TBC1D32: variants seen among roughly 807,000 people sequenced by gnomAD.
TBC1D32 encodes the protein TBC1 domain family member 32.
Under a neutral mutation model 170.3 loss-of-function variants are expected in TBC1D32, and 151 were observed. The observed-to-expected ratio is 0.89, with a 90% CI of 0.78 to 1.01. TBC1D32 has a LOEUF of 1.01. Among genes scored for constraint, TBC1D32 ranks in the 50% least tolerant of loss-of-function variants. TBC1D32 has a pLI of 0.00. For synonymous variants in TBC1D32, 498 were observed against 488.0 expected (o/e 1.02, Z -0.27); for missense variants, 1,464 against 1,457.1 (o/e 1.00, Z -0.08).
chr6:121,157,289 G>T (rs541076501), intron 24 of TBC1D32, among the ~76,000 whole-genome samples: 2 of 152,088 alleles, frequency 1.3e-5, no homozygotes, highest in African/African-American at 4.8e-5. Context: ...CCTGGTTGTT[G>T]TTGGTTAAAA....
intron 22 of TBC1D32, chr6:121,170,594 G>T: frequency 8.0e-7 from 1 of 1,246,738 alleles, no homozygotes; most frequent in Non-Finnish European, 1.1e-6. Context: ...TTACATCCTT[G>T]ATGTCTCAAA....
chr6:121,312,383 A>T (rs1808340490), intron 3 of TBC1D32, among the ~76,000 whole-genome samples: 2 of 152,196 alleles, frequency 1.3e-5, no homozygotes, highest in Non-Finnish European at 2.9e-5. Context: ...CATTAAGAAT[A>T]AAAAAAGTCT....
chr6:121,282,108 C>T (rs2128446385), intron 13 of TBC1D32, among the ~76,000 whole-genome samples: 1 of 151,612 alleles, frequency 6.6e-6, no homozygotes, highest in South Asian at 2.1e-4. Context: ...AGGAAAATTA[C>T]ATTCAAACAA....
Position 121,310,819 on chromosome 6 carries a change from T to A in TBC1D32, c.524A>T (p.Gln175Leu), listed in dbSNP as rs1272490917. The part of the protein sequence containing the change: ...QSYKFCQGKL[Q>L]LILDQLDPGQ... ...AGGATCCAACTGGTCTAAAATCAAT[T>A]GTAATTTTCCTTGACAAAATTTGTA... is the stretch of plus-strand genomic sequence containing the variant. The change falls in exon 4 of 32, where the codon CAA (glutamine) becomes CTA (leucine). Residue 175 changes from glutamine to leucine, a missense_variant. Gln to Leu is a moderately radical substitution (Grantham distance 113, BLOSUM62 -2). Transcript: ENST00000398212. 6.3e-7 allele frequency: 1 copy of A among 1,585,462 alleles called. No individual in the cohort carries two copies. Among genetic ancestry groups the A allele is most frequent in the Non-Finnish European group, 8.6e-7 (1 of 1,161,832 alleles).
At chr6:121,305,465 A>T (rs9375022) in intron 5 of TBC1D32, among the ~76,000 whole-genome samples, 97,458 of 151,768 alleles carry the variant, frequency 0.64, 36,754 homozygotes, top group Non-Finnish European at 0.84. Context: ...TATCATGATA[A>T]GATTAATCCT....
intron 26 of TBC1D32, among the ~76,000 whole-genome samples, chr6:121,125,478 G>A (rs903531806): frequency 2.6e-5 from 4 of 152,024 alleles, no homozygotes; most frequent in Admixed American, 2.0e-4. Flanking sequence ...GAAGGAGGCT[G>A]ATAGGCTATC....
At chr6:121,295,687 T>G (rs1282575157) in intron 10 of TBC1D32, among the ~76,000 whole-genome samples, 1 of 151,248 alleles carries the variant, frequency 6.6e-6, no homozygotes, top group African/African-American at 2.4e-5. Flanking sequence ...GGAATCCAAG[T>G]GGAAGGAATG....
At position 121,233,741 on chromosome 6, in the gene TBC1D32, T is replaced by C. The variant is rs554030791; in HGVS notation, c.2364+5329A>G. Among the ~76,000 whole-genome samples the C allele has an allele frequency of 5.9e-5, 9 of 152,282 alleles. No homozygotes were observed. The East Asian group carries it at 1.2e-3, about 20-fold the overall frequency. ...TATTGAGACGTGAGGTACTGTTCTA[T>C]TCATCAAGCTATTTGTTCCCTGAAT... On this transcript the variant is annotated intron_variant, in intron 20 of 31. Coordinates refer to ENST00000398212, the MANE Select transcript of TBC1D32 (RefSeq NM_152730.6).
intron 24 of TBC1D32, among the ~76,000 whole-genome samples, chr6:121,137,411 T>G (rs975920402): frequency 2.7e-5 from 4 of 150,878 alleles, no homozygotes; most frequent in African/African-American, 9.7e-5. Context: ...GAGAAAGAAA[T>G]AGTCTTCTTC....
intron 15 of TBC1D32, among the ~76,000 whole-genome samples, chr6:121,261,179 TG>T (rs1799718055): frequency 6.6e-6 from 1 of 152,174 alleles, no homozygotes; most frequent in African/African-American, 2.4e-5. Context: ...GCAGTCTCTA[TG>T]GAACAGCAGA....
chr6:121,183,782 A>C (rs902443913), intron 22 of TBC1D32, among the ~76,000 whole-genome samples: 4 of 152,224 alleles, frequency 2.6e-5, no homozygotes, highest in Middle Eastern at 3.4e-3. Flanking sequence ...AAAAAAACAT[A>C]GTACAAGACG....
At chr6:121,141,804 A>C (rs1168751680) in intron 24 of TBC1D32, among the ~76,000 whole-genome samples, 1 of 152,206 alleles carries the variant, frequency 6.6e-6, no homozygotes, top group Non-Finnish European at 1.5e-5. Context: ...GTTGTAAAAA[A>C]AAAAAGTTAC....
At chr6:121,274,459 G>A (rs1715326973) in intron 15 of TBC1D32, among the ~76,000 whole-genome samples, 1 of 149,096 alleles carries the variant, frequency 6.7e-6, no homozygotes, top group Admixed American at 6.7e-5. Flanking sequence ...GATTTTAAAA[G>A]GAATAGAAAA....
chr6:121,229,761 A>G (rs1337384307), intron 20 of TBC1D32, among the ~76,000 whole-genome samples: 3 of 152,136 alleles, frequency 2.0e-5, no homozygotes, highest in East Asian at 3.9e-4. Flanking sequence ...ACCCAGTGGT[A>G]GAGTTCTGAT....
At chr6:121,326,403 A>C (rs1000809352) in intron 1 of TBC1D32, among the ~76,000 whole-genome samples, 7 of 152,182 alleles carry the variant, frequency 4.6e-5, no homozygotes, top group Non-Finnish European at 1.0e-4. Flanking sequence ...TGATGAATAC[A>C]CTAATTACCT....
chr6:121,126,464 G>C lies in TBC1D32; in HGVS notation c.2900-3C>G. The C allele has an allele frequency of 6.2e-7, 1 of 1,600,772 alleles. No individual in the cohort carries two copies. Among genetic ancestry groups the C allele is most frequent in the South Asian group, 1.1e-5 (1 of 89,874 alleles). ...TTTTTCAAGTAATTCTATTAAGGCT[G>C]TAATAAACAAAGGAATAATTAGGAT... On this transcript the variant is annotated splice_region_variant and splice_polypyrimidine_tract_variant and intron_variant, in intron 25 of 31. Transcript: ENST00000398212.
intron 21 of TBC1D32, among the ~76,000 whole-genome samples, chr6:121,220,919 G>C (rs982768108): frequency 9.9e-5 from 15 of 152,200 alleles, no homozygotes; most frequent in Admixed American, 8.5e-4. Flanking sequence ...GGGATTACAG[G>C]CATGAACAAC....
At chr6:121,215,210 G>A (rs1793670595) in intron 21 of TBC1D32, among the ~76,000 whole-genome samples, 1 of 152,200 alleles carries the variant, frequency 6.6e-6, no homozygotes, top group Non-Finnish European at 1.5e-5. Context: ...AAAAAGCACT[G>A]TAAGTCCTCA....
chr6:121,225,984 T>G (rs1795007194), intron 20 of TBC1D32, among the ~76,000 whole-genome samples: 1 of 152,146 alleles, frequency 6.6e-6, no homozygotes, highest in Non-Finnish European at 1.5e-5. Context: ...GAATGAGATT[T>G]TATGCAATAA....
Sources: allele counts gnomAD v4.1 joint callset (sites outside exome capture counted in the v4.1 genomes callset), GRCh38; gene constraint gnomAD v4.1.1; transcripts MANE v1.5; gene names NCBI Gene and HGNC (gene_info 2026-07-23, HGNC 2026-07-21).